The following PPARGC1B variants were observed in gnomAD, a reference collection of about 807,000 sequenced individuals.
PPARGC1B encodes the protein PPARG coactivator 1 beta.
In PPARGC1B, 34 loss-of-function variants were observed where a neutral mutation model predicts 101.6. The ratio of observed to expected loss-of-function variants is 0.33; its 90% CI spans 0.25 to 0.45. The LOEUF (loss-of-function observed/expected upper bound fraction) is 0.45. Ranked by LOEUF, PPARGC1B falls within the 20% of genes least tolerant of loss-of-function variation. PPARGC1B has a pLI of 1.00. For synonymous variants in PPARGC1B, 548 were observed against 539.3 expected (o/e 1.02, Z -0.22); for missense variants, 1,234 against 1,317.6 (o/e 0.94, Z 0.98).
chr5:149,774,328 C>T (rs1756267870), intron 1 of PPARGC1B, among the ~76,000 whole-genome samples: 1 of 152,160 alleles, frequency 6.6e-6, no homozygotes, highest in South Asian at 2.1e-4. Context: ...GCACTGGGCT[C>T]CGGTTTCCTC....
chr5:149,809,281 A>ATC (rs1757731903), intron 1 of PPARGC1B, among the ~76,000 whole-genome samples: 1 of 56,192 alleles, frequency 1.8e-5, no homozygotes, highest in East Asian at 4.9e-4. Flanking sequence ...AGATAGATCC[A>ATC]TCTCTACCAT....
chr5:149,853,959 C>T lies in PPARGC1B; in HGVS notation c.*6401C>T, dbSNP rs909223204. On this transcript the variant is annotated 3_prime_UTR_variant, in exon 12 of 12. Coordinates refer to ENST00000309241, the MANE Select transcript of PPARGC1B (RefSeq NM_133263.4). This position sits in a 1 kb window ranked among gnomAD's most constrained non-coding sequence, Gnocchi z 4.2. ...TGTTGTTAGCATTGGCTTGGAGCAT[C>T]TGCTTCTTCCAGAGGCAGCTGCTAA... 2.0e-5 allele frequency: 3 copies of T among 152,192 alleles called. No homozygotes were observed. The highest frequency in any genetic ancestry group is 1.3e-4 in the Admixed American group (2 of 15,260). The allele number at this position is 152,192 out of a possible 1,614,324, so 9.4% of individuals were successfully genotyped here.
rs929650364 is a variant in PPARGC1B, at chr5:149,849,575, C to G, written c.*2017C>G. ...TGCTATAAGAATCCTGAAATCAGTG[C>G]TCTGGTAAGTCATTACTAATTGATT... On this transcript the variant is annotated 3_prime_UTR_variant, in exon 12 of 12. Coordinates refer to ENST00000309241, the MANE Select transcript of PPARGC1B (RefSeq NM_133263.4). The G allele has an allele frequency of 6.6e-6, 1 of 152,226 alleles. No individual in the cohort carries two copies. The highest frequency in any genetic ancestry group is 1.5e-5 in the Non-Finnish European group (1 of 68,040). 9.4% of individuals were successfully genotyped at this position (152,226 alleles called of 1,614,324 possible).
At chr5:149,855,407 C>T (rs1388531501), downstream of PPARGC1B, among the ~76,000 whole-genome samples, 1 of 152,206 alleles carries the variant, frequency 6.6e-6, no homozygotes, top group Non-Finnish European at 1.5e-5. Flanking sequence ...TTTTATAAAG[C>T]TATACCACTT....
rs894154787 is a variant in PPARGC1B, at chr5:149,853,197, C to T, written c.*5639C>T. On this transcript the variant is annotated 3_prime_UTR_variant, in exon 12 of 12. Transcript: ENST00000309241. This position sits in a 1 kb window ranked among gnomAD's most constrained non-coding sequence, Gnocchi z 4.2. ...GCACTTTGCCTTATCAACATGCGGT[C>T]GCCATCTAGTGGCCAAAGGTTGTCT... 2 of 152,146 alleles carry T rather than the reference C, an allele frequency of 1.3e-5. No homozygotes were observed. The highest frequency in any genetic ancestry group is 2.9e-5 in the Non-Finnish European group (2 of 68,030). 9.4% of individuals were successfully genotyped at this position (152,146 alleles called of 1,614,324 possible). A position where few individuals can be genotyped will look rare whatever the true frequency, so the allele number is the denominator to read the frequency against.
Position 149,852,677 on chromosome 5 carries a change from T to C in PPARGC1B, c.*5119T>C, listed in dbSNP as rs544831467. The C allele has an allele frequency of 6.6e-6, 1 of 151,936 alleles. No individual in the cohort carries two copies. Among genetic ancestry groups the C allele is most frequent in the South Asian group, 2.1e-4 (1 of 4,804 alleles). 9.4% of individuals were successfully genotyped at this position (151,936 alleles called of 1,614,324 possible). Reference sequence around the variant, plus strand: ...AATGTTGTGACCATTTGGCTGTTTCTCTCTTGTTCTCAGACAATACTAGCA... The same window carrying C: ...AATGTTGTGACCATTTGGCTGTTTCCCTCTTGTTCTCAGACAATACTAGCA... On this transcript the variant is annotated 3_prime_UTR_variant, in exon 12 of 12. Transcript: ENST00000309241.
intron 10 of PPARGC1B, among the ~76,000 whole-genome samples, chr5:149,845,490 A>G (rs956026215): frequency 6.6e-6 from 1 of 152,226 alleles, no homozygotes; most frequent in Non-Finnish European, 1.5e-5. Flanking sequence ...AGGTGGAGAT[A>G]ACAACAGTAC....
At position 149,826,838 on chromosome 5, in the gene PPARGC1B, C is replaced by T. The variant is rs1270929661; in HGVS notation, c.418C>T (p.Pro140Ser). 6.2e-7 allele frequency: 1 copy of T among 1,613,834 alleles called. No homozygotes were observed. Among genetic ancestry groups the T allele is most frequent in the Non-Finnish European group, 8.5e-7 (1 of 1,179,796 alleles). ...CTCATCTGCACCCCCCAGCCCTGCCCCGGAGAAGCCCTCGGCCCCAGCCCC... is the reference window on the plus strand; with the variant it reads ...CTCATCTGCACCCCCCAGCCCTGCCTCGGAGAAGCCCTCGGCCCCAGCCCC... The part of the protein sequence containing the change: ...APSSAPPSPA[P>S]EKPSAPAPEV... Residue 140 changes from proline to serine, a missense_variant, in exon 3 of 12, where the codon CCG becomes TCG. Pro to Ser is a moderately conservative substitution (Grantham distance 74). This residue lies in a region of PPARGC1B where 734 missense variants were observed against 768.4 expected (regional missense o/e 0.96). Transcript: ENST00000309241.
chr5:149,825,176 G>T (rs1309327426), intron 2 of PPARGC1B, among the ~76,000 whole-genome samples: 3 of 152,228 alleles, frequency 2.0e-5, no homozygotes, highest in Admixed American at 6.5e-5. Context: ...CTGGGCGTGG[G>T]GGCCTGTGGG....
At chr5:149,734,224 A>C (rs1241820834) in intron 1 of PPARGC1B, among the ~76,000 whole-genome samples, 1 of 143,528 alleles carries the variant, frequency 7.0e-6, no homozygotes, top group Non-Finnish European at 1.5e-5. Flanking sequence ...TGGGAGGCTG[A>C]GGCAGGAGAA....
At chr5:149,785,430 C>G (rs1358027636) in intron 1 of PPARGC1B, among the ~76,000 whole-genome samples, 2 of 152,206 alleles carry the variant, frequency 1.3e-5, no homozygotes, top group East Asian at 1.9e-4. Flanking sequence ...AATGAGAGAG[C>G]CTAGTGCCTG....
intron 1 of PPARGC1B, among the ~76,000 whole-genome samples, chr5:149,795,011 G>A (rs570434952): frequency 6.6e-6 from 1 of 152,282 alleles, no homozygotes; most frequent in Non-Finnish European, 1.5e-5. Context: ...TGACGTCAAC[G>A]GGTCAGCTAG....
chr5:149,816,938 C>T (rs115782312), intron 1 of PPARGC1B, among the ~76,000 whole-genome samples: 1 of 152,360 alleles, frequency 6.6e-6, no homozygotes, highest in Non-Finnish European at 1.5e-5. Context: ...CTACCCCCAT[C>T]ACACTTGGGG....
chr5:149,843,116 CGA>C (rs1453994957), intron 10 of PPARGC1B, among the ~76,000 whole-genome samples: 5 of 151,962 alleles, frequency 3.3e-5, no homozygotes, highest in Non-Finnish European at 5.9e-5. Flanking sequence ...TGCAGTGAGC[CGA>C]GATGGCGCCA....
intron 1 of PPARGC1B, among the ~76,000 whole-genome samples, chr5:149,799,118 C>T (rs974104869): frequency 1.3e-5 from 2 of 152,052 alleles, no homozygotes; most frequent in Non-Finnish European, 2.9e-5. Flanking sequence ...GGACAGATTC[C>T]TCACCTCTCA....
chr5:149,817,269 A>T (rs545186967), intron 1 of PPARGC1B, among the ~76,000 whole-genome samples: 1 of 152,248 alleles, frequency 6.6e-6, no homozygotes, highest in African/African-American at 2.4e-5. Context: ...CTGAGGTGGG[A>T]TGAGACAAGC....
chr5:149,791,116 C>T (rs1756999080), intron 1 of PPARGC1B, among the ~76,000 whole-genome samples: 1 of 149,588 alleles, frequency 6.7e-6, no homozygotes, highest in South Asian at 2.1e-4. Flanking sequence ...TCATGAAACC[C>T]TGTCTCTACT....
At chr5:149,791,291 C>CAA (rs35687935) in intron 1 of PPARGC1B, among the ~76,000 whole-genome samples, 5 of 135,622 alleles carry the variant, frequency 3.7e-5, no homozygotes, top group African/African-American at 1.1e-4. Flanking sequence ...GACTCCATCT[C>CAA]AAAAAAAAAA....
downstream of PPARGC1B, among the ~76,000 whole-genome samples, chr5:149,855,843 G>A (rs1161849837): frequency 6.6e-6 from 1 of 152,176 alleles, no homozygotes. Flanking sequence ...CAGGCTGGGC[G>A]CGGTGGCTCG....
Sources: allele counts gnomAD v4.1 joint callset (sites outside exome capture counted in the v4.1 genomes callset), GRCh38; gene constraint gnomAD v4.1.1; regional missense constraint gnomAD v4.1.1; non-coding constraint Gnocchi (gnomAD v3.1); transcripts MANE v1.5; gene names NCBI Gene and HGNC (gene_info 2026-07-23, HGNC 2026-07-21).